Variants in CCSER1 observed in about 807,000 individuals in gnomAD.
The protein encoded by CCSER1 is coiled-coil serine rich protein 1.
A neutral mutation model predicts 82.0 loss-of-function variants in CCSER1; 41 were observed. The ratio of observed to expected loss-of-function variants is 0.50; its 90% confidence interval spans 0.39 to 0.65. The LOEUF is 0.65. Among genes scored for constraint, CCSER1 ranks in the 30% least tolerant of loss-of-function variants. The probability of loss-of-function intolerance (pLI) is 0.00; values close to 1 mark genes in which losing one functional copy is unlikely to be tolerated. For synonymous variants in CCSER1, 414 were observed against 383.9 expected, an observed-to-expected ratio of 1.08 and a Z score of -0.92; for missense variants, 1,119 against 1,064.2, an observed-to-expected ratio of 1.05 and a Z score of -0.72.
At chr4:91,594,420 T>TATATACATATACAC (rs1764447564) in intron 10 of CCSER1, among the ~76,000 whole-genome samples, 1 of 147,452 alleles carries the variant, frequency 6.8e-6, no homozygotes, top group Non-Finnish European at 1.5e-5. Flanking sequence ...CACATATATA[T>TATATACATATACAC]ACATATATAC....
chr4:90,453,438 A>G (rs1761756002), intron 4 of CCSER1, among the ~76,000 whole-genome samples: 1 of 152,212 alleles, frequency 6.6e-6, no homozygotes, highest in African/African-American at 2.4e-5. Flanking sequence ...TCTTCAGGTT[A>G]TCAATGATGG....
chr4:91,319,647 A>G (rs1423992526), intron 10 of CCSER1: 2 of 455,668 alleles, frequency 4.4e-6, no homozygotes, highest in Non-Finnish European at 8.8e-6. Context: ...TAACCTACCT[A>G]ATACAAAACC....
intron 8 of CCSER1, among the ~76,000 whole-genome samples, chr4:90,862,068 A>G (rs1455261650): frequency 6.6e-6 from 1 of 151,558 alleles, no homozygotes; most frequent in Non-Finnish European, 1.5e-5. Context: ...CAGACTAAGA[A>G]TAGGTAGTTC....
At chr4:91,508,155 T>C (rs1759611010) in intron 10 of CCSER1, among the ~76,000 whole-genome samples, 1 of 134,388 alleles carries the variant, frequency 7.4e-6, no homozygotes, top group Non-Finnish European at 1.6e-5. Flanking sequence ...TTTTTTTTTT[T>C]TTCTGGGTTT....
intron 6 of CCSER1, among the ~76,000 whole-genome samples, chr4:90,696,639 G>T (rs569454706): frequency 3.9e-5 from 6 of 152,044 alleles, no homozygotes. Context: ...AAATAATTTC[G>T]ATATAGCTTG....
chr4:91,325,246 G>A (rs1375783580), intron 10 of CCSER1: 2 of 449,280 alleles, frequency 4.5e-6, no homozygotes, highest in South Asian at 1.6e-5. Context: ...CTAAGCCTGT[G>A]CACATGGGTC....
chr4:91,569,404 G>T (rs1763055125), intron 10 of CCSER1, among the ~76,000 whole-genome samples: 2 of 152,114 alleles, frequency 1.3e-5, no homozygotes, highest in Admixed American at 1.3e-4. Flanking sequence ...GCTGAGGATT[G>T]TTTGGTTGTC....
chr4:90,520,917 AATAATAG>A (rs1359826715), intron 5 of CCSER1, among the ~76,000 whole-genome samples: 1 of 152,144 alleles, frequency 6.6e-6, no homozygotes, highest in Non-Finnish European at 1.5e-5. Context: ...GTAGTAAATA[AATAATAG>A]ATAAGTGAGT....
intron 9 of CCSER1, among the ~76,000 whole-genome samples, chr4:91,068,772 C>T (rs971102301): frequency 1.3e-5 from 2 of 152,130 alleles, no homozygotes; most frequent in Non-Finnish European, 2.9e-5. Context: ...AAAAGAAAAG[C>T]ATTGAGACTC....
intron 5 of CCSER1, among the ~76,000 whole-genome samples, chr4:90,518,809 A>G (rs1200057539): frequency 6.6e-6 from 1 of 151,908 alleles, no homozygotes; most frequent in East Asian, 1.9e-4. Context: ...ATATCTTTAT[A>G]TAAGGATATA....
rs183433735 is a variant in CCSER1 at position 90,475,772 on chromosome 4, G to C, written c.1724+7418G>C. Among the ~76,000 whole-genome samples the C allele has an allele frequency of 2.0e-3, 309 of 152,230 alleles. 1 individual carries two copies. The highest frequency in any genetic ancestry group is 3.4e-3 in the Middle Eastern group (1 of 294). On this transcript the variant is annotated intron_variant, in intron 5 of 10. Transcript: ENST00000509176. ...GGACTCTCATGCACCCATGACTAGG[G>C]AACTACAGAATACTGGCCCAGAAGG...
chr4:90,774,983 C>T (rs559793144), intron 7 of CCSER1, among the ~76,000 whole-genome samples: 2 of 152,210 alleles, frequency 1.3e-5, no homozygotes, highest in Admixed American at 1.3e-4. Flanking sequence ...TTACAAATTG[C>T]TAATCAATGT....
chr4:91,096,547 A>G (rs1385159873), intron 10 of CCSER1, among the ~76,000 whole-genome samples: 1 of 152,164 alleles, frequency 6.6e-6, no homozygotes, highest in Non-Finnish European at 1.5e-5. Flanking sequence ...CTGGCTTGCC[A>G]GTTACTTTAT....
At chr4:90,440,880 T>A (rs1759780084) in intron 4 of CCSER1, among the ~76,000 whole-genome samples, 1 of 152,190 alleles carries the variant, frequency 6.6e-6, no homozygotes, top group African/African-American at 2.4e-5. Flanking sequence ...TTTAAGTTCC[T>A]TAAAAGAAGA....
intron 7 of CCSER1, among the ~76,000 whole-genome samples, chr4:90,749,950 C>A (rs1748298201): frequency 6.6e-6 from 1 of 151,982 alleles, no homozygotes; most frequent in African/African-American, 2.4e-5. Flanking sequence ...CTCTCCAGCA[C>A]CTGTTGTTTC....
chr4:90,732,419 T>G (rs776669387), intron 7 of CCSER1, among the ~76,000 whole-genome samples: 3 of 152,180 alleles, frequency 2.0e-5, no homozygotes, highest in Non-Finnish European at 2.9e-5. Context: ...GTGATATTTC[T>G]GCCCAGTAAA....
chr4:91,404,050 A>C (rs1389960790), intron 10 of CCSER1, among the ~76,000 whole-genome samples: 5 of 152,100 alleles, frequency 3.3e-5, no homozygotes, highest in African/African-American at 7.2e-5. Flanking sequence ...TTGGTAGGCT[A>C]TTAATTATTG....
At chr4:91,541,277 G>A (rs557219524) in intron 10 of CCSER1, among the ~76,000 whole-genome samples, 9 of 152,166 alleles carry the variant, frequency 5.9e-5, no homozygotes, top group African/African-American at 7.2e-5. Flanking sequence ...TGTGCACAAC[G>A]TGCAGGTTTG....
chr4:90,269,597 A>G (rs551067655), intron 1 of CCSER1, among the ~76,000 whole-genome samples: 1 of 152,158 alleles, frequency 6.6e-6, no homozygotes, highest in African/African-American at 2.4e-5. Context: ...CTTCAAATAA[A>G]CAACACAACA....
Sources: gnomAD v4.1 joint callset for allele counts (sites outside exome capture counted in the v4.1 genomes callset) on GRCh38, gnomAD v4.1.1 for gene constraint, MANE v1.5 for transcripts, NCBI Gene and HGNC (gene_info 2026-07-23, HGNC 2026-07-21) for gene names.